CD2AP: variants seen among roughly 807,000 people sequenced by gnomAD.
CD2AP encodes CD2-associated protein.
Under a neutral mutation model 85.1 loss-of-function variants are expected in CD2AP, and 46 were observed. The ratio of observed to expected loss-of-function variants is 0.54; its 90% CI spans 0.43 to 0.69. CD2AP has a LOEUF of 0.69. Among genes scored for constraint, CD2AP ranks in the 30% least tolerant of loss-of-function variants. CD2AP has a pLI of 0.00. For missense variants in CD2AP, 769 were observed against 729.5 expected (o/e 1.05, Z -0.62); for synonymous variants, 255 against 252.9 (o/e 1.01, Z -0.08).
At chr6:47,585,436 A>C (rs900301608) in intron 11 of CD2AP, among the ~76,000 whole-genome samples, 3 of 152,224 alleles carry the variant, frequency 2.0e-5, no homozygotes, top group Non-Finnish European at 2.9e-5. Context: ...TGTATGAAAC[A>C]GTGGCTTTCA....
At chr6:47,537,503 T>A (rs1224595756) in intron 3 of CD2AP, among the ~76,000 whole-genome samples, 1 of 152,182 alleles carries the variant, frequency 6.6e-6, no homozygotes, top group Non-Finnish European at 1.5e-5. Context: ...GGAATAATTG[T>A]GCAGTGAACA....
intron 16 of CD2AP, among the ~76,000 whole-genome samples, chr6:47,610,786 T>G (rs1423633741): frequency 1.3e-5 from 2 of 151,422 alleles, no homozygotes; most frequent in Non-Finnish European, 3.0e-5. Context: ...GTAAGTTTAC[T>G]TGTCCAGTAA....
chr6:47,494,860 T>C (rs1157988459), intron 1 of CD2AP, among the ~76,000 whole-genome samples: 1 of 152,238 alleles, frequency 6.6e-6, no homozygotes, highest in African/African-American at 2.4e-5. Flanking sequence ...AAATGTTACA[T>C]TATTTAGAAA....
At chr6:47,569,391 A>C (rs1411667416) in intron 5 of CD2AP, among the ~76,000 whole-genome samples, 2 of 152,088 alleles carry the variant, frequency 1.3e-5, no homozygotes, top group African/African-American at 4.8e-5. Context: ...GCTGAGGAAG[A>C]TATTTCTGAC....
At chr6:47,554,410 A>G (rs1767617791) in intron 4 of CD2AP, among the ~76,000 whole-genome samples, 2 of 152,216 alleles carry the variant, frequency 1.3e-5, no homozygotes, top group Admixed American at 1.3e-4. Flanking sequence ...TTGATTACAA[A>G]TTGTCATTGT....
intron 17 of CD2AP, among the ~76,000 whole-genome samples, chr6:47,617,420 A>G (rs555820662): frequency 6.6e-6 from 1 of 152,216 alleles, no homozygotes; most frequent in African/African-American, 2.4e-5. Flanking sequence ...GTATTTTCCC[A>G]GCTTGTATCC....
chr6:47,493,928 C>T (rs1453200921), intron 1 of CD2AP, among the ~76,000 whole-genome samples: 2 of 152,080 alleles, frequency 1.3e-5, no homozygotes, highest in Non-Finnish European at 2.9e-5. Context: ...TCTAGAGATT[C>T]TATGTGCTTA....
intron 2 of CD2AP, among the ~76,000 whole-genome samples, chr6:47,512,836 A>T (rs565069013): frequency 2.0e-5 from 3 of 152,180 alleles, no homozygotes; most frequent in Non-Finnish European, 4.4e-5. Flanking sequence ...TTTTACACCT[A>T]TTTGCCTGTG....
intron 4 of CD2AP, among the ~76,000 whole-genome samples, chr6:47,547,114 A>T (rs1217727812): frequency 6.6e-6 from 1 of 152,174 alleles, no homozygotes; most frequent in Non-Finnish European, 1.5e-5. Context: ...ACAAAAATAG[A>T]AGTTAAAAAA....
At chr6:47,609,673 T>G (rs921144676) in intron 16 of CD2AP, among the ~76,000 whole-genome samples, 1 of 152,072 alleles carries the variant, frequency 6.6e-6, no homozygotes. Context: ...CGCTCCAGCC[T>G]GGGCAACAAA....
intron 1 of CD2AP, among the ~76,000 whole-genome samples, chr6:47,503,010 G>A (rs2113980951): frequency 6.6e-6 from 1 of 152,294 alleles, no homozygotes; most frequent in African/African-American, 2.4e-5. Context: ...GGATATGCAT[G>A]TGATTGTTAA....
intron 3 of CD2AP, among the ~76,000 whole-genome samples, chr6:47,538,850 A>G (rs1281806626): frequency 6.6e-6 from 1 of 152,236 alleles, no homozygotes; most frequent in Non-Finnish European, 1.5e-5. Flanking sequence ...TTGATGACTC[A>G]CATTTAGAAA....
At chr6:47,615,179 T>A (rs1256307973) in intron 17 of CD2AP, among the ~76,000 whole-genome samples, 1 of 152,224 alleles carries the variant, frequency 6.6e-6, no homozygotes, top group African/African-American at 2.4e-5. Context: ...TTGGCTCTTA[T>A]CCTGAGAATC....
At chr6:47,555,582 A>G (rs187939994) in intron 5 of CD2AP, among the ~76,000 whole-genome samples, 1 of 152,350 alleles carries the variant, frequency 6.6e-6, no homozygotes, top group East Asian at 1.9e-4. Flanking sequence ...TAATGCAAAT[A>G]TATGAAAACT....
At chr6:47,587,417 T>C (rs1768661165) in intron 11 of CD2AP, among the ~76,000 whole-genome samples, 1 of 142,626 alleles carries the variant, frequency 7.0e-6, no homozygotes, top group Non-Finnish European at 1.5e-5. Context: ...AATGTTTAGA[T>C]AGGTGATTAA....
intron 17 of CD2AP, among the ~76,000 whole-genome samples, 170 bp from the exon 18 acceptor site, chr6:47,624,016 G>T (rs13208761): frequency 6.6e-6 from 1 of 152,022 alleles, no homozygotes; most frequent in Non-Finnish European, 1.5e-5. Context: ...AACTTGCATT[G>T]TACTGTTGAA....
At chr6:47,600,708 C>T (rs1459723724) in intron 13 of CD2AP, among the ~76,000 whole-genome samples, 3 of 151,804 alleles carry the variant, frequency 2.0e-5, no homozygotes, top group South Asian at 4.1e-4. Flanking sequence ...AAAGAATCCT[C>T]ATGTTTTAAA....
At position 47,580,779 on chromosome 6, in the gene CD2AP, A is replaced by G. The variant is rs942490859; in HGVS notation, c.1009-85A>G. The G allele has an allele frequency of 8.7e-6, 8 of 915,824 alleles. No individual in the cohort carries two copies. The African/African-American group carries it at 1.0e-4, about 11-fold the overall frequency. 56.7% of individuals were successfully genotyped at this position (915,824 alleles called of 1,614,324 possible). A position where few individuals can be genotyped will look rare whatever the true frequency, so the allele number is the denominator to read the frequency against. The stretch of plus-strand genomic sequence containing the variant: ...AATGAAGAGGAGAGACATTTGTATA[A>G]TTTAGATTATTACTAATTAGAGTTT... On this transcript the variant is annotated intron_variant, in intron 9 of 17. Coordinates refer to ENST00000359314, the MANE Select transcript of CD2AP (RefSeq NM_012120.3).
At chr6:47,535,382 C>A (rs1455322736) in intron 3 of CD2AP, among the ~76,000 whole-genome samples, 1 of 152,150 alleles carries the variant, frequency 6.6e-6, no homozygotes, top group South Asian at 2.1e-4. Context: ...ATACATTTCC[C>A]AAATTGTAAT....
Sources: allele counts gnomAD v4.1 joint callset (sites outside exome capture counted in the v4.1 genomes callset), GRCh38; gene constraint gnomAD v4.1.1; transcripts MANE v1.5; gene names NCBI Gene and HGNC (gene_info 2026-07-23, HGNC 2026-07-21).